RAMP1: variants seen among roughly 807,000 people sequenced by gnomAD.
RAMP1 encodes receptor activity modifying protein 1, also known as receptor activity-modifying protein 1.
A neutral mutation model predicts 8.2 loss-of-function variants in RAMP1; 7 were observed. That is an observed-to-expected ratio of 0.85 (90% CI 0.49 to 1.60). The LOEUF (loss-of-function observed/expected upper bound fraction) is 1.60, where lower values mean the gene tolerates loss of function less well. Ranked by LOEUF, RAMP1 falls within the 40% of genes most tolerant of loss-of-function variation. The probability of loss-of-function intolerance (pLI) is 0.00; values close to 1 mark genes in which losing one functional copy is unlikely to be tolerated. For synonymous variants in RAMP1, 92 were observed against 84.7 expected (o/e 1.09, Z -0.47); for missense variants, 192 against 202.4 (o/e 0.95, Z 0.31).
At chr2:237,904,357 T>C (rs1473347940) in intron 2 of RAMP1, among the ~76,000 whole-genome samples, 1 of 152,052 alleles carries the variant, frequency 6.6e-6, no homozygotes, top group Non-Finnish European at 1.5e-5. Flanking sequence ...AAGTGGGGCT[T>C]GCAGTGAGCT....
chr2:237,875,588 T>A (rs929578796), intron 1 of RAMP1, among the ~76,000 whole-genome samples: 10 of 152,112 alleles, frequency 6.6e-5, no homozygotes, highest in African/African-American at 2.2e-4. Flanking sequence ...CTCCCAGCCT[T>A]CCATGCAGGC....
chr2:237,876,450 CT>C (rs1335062700), intron 1 of RAMP1, among the ~76,000 whole-genome samples: 5 of 152,148 alleles, frequency 3.3e-5, no homozygotes, highest in African/African-American at 1.2e-4. Context: ...GGGGTCCCCC[CT>C]GGGCAGAGGA....
chr2:237,889,855 G>A (rs2062471438), intron 2 of RAMP1, among the ~76,000 whole-genome samples: 1 of 152,154 alleles, frequency 6.6e-6, no homozygotes, highest in South Asian at 2.1e-4. Flanking sequence ...TTGAATTCTG[G>A]GCTAACGCAA....
chr2:237,883,701 A>C (rs912629590), intron 2 of RAMP1, among the ~76,000 whole-genome samples: 1 of 151,772 alleles, frequency 6.6e-6, no homozygotes, highest in African/African-American at 2.4e-5. Context: ...CTGTAGACCC[A>C]GGTGCTTGGG....
rs1187158795 is a variant in RAMP1 at position 237,865,104 on chromosome 2, G to A, written c.52+5377G>A. ...GGCCCCCAGCATGGGCAGGAGGCCA[G>A]GCAAGGATAGGAGTGGGAGGGTTCC... On this transcript the variant is annotated intron_variant, in intron 1 of 2. Coordinates refer to ENST00000254661, the MANE Select transcript of RAMP1 (RefSeq NM_005855.4). This position sits in a 1 kb window ranked among gnomAD's most constrained non-coding sequence, Gnocchi z 4.2. 1.3e-5 allele frequency among the ~76,000 whole-genome samples: 2 copies of A among 152,094 alleles called. No homozygotes were observed. Among genetic ancestry groups the A allele is most frequent in the Non-Finnish European group, 2.9e-5 (2 of 68,002 alleles).
chr2:237,889,230 T>A (rs1263575358), intron 2 of RAMP1, among the ~76,000 whole-genome samples: 1 of 152,264 alleles, frequency 6.6e-6, no homozygotes, highest in East Asian at 1.9e-4. Context: ...AGTGACCGTG[T>A]GACCTCCGCA....
chr2:237,861,260 A>C (rs2062130540), intron 1 of RAMP1, among the ~76,000 whole-genome samples: 1 of 152,090 alleles, frequency 6.6e-6, no homozygotes. Context: ...AAGTCCTGTA[A>C]TTTTAACGTT....
At position 237,865,316 on chromosome 2, in the gene RAMP1, G is replaced by A. The variant is rs1477436204; in HGVS notation, c.52+5589G>A. The stretch of plus-strand genomic sequence containing the variant: ...GGGAGAGGAGAGGAGGGGAGGGCAG[G>A]GGAGAAGAGAGGAGGGGAGGGGAGG... On this transcript the variant is annotated intron_variant, in intron 1 of 2. Coordinates refer to ENST00000254661, the MANE Select transcript of RAMP1 (RefSeq NM_005855.4). The surrounding 1 kb of genome is among the most constrained non-coding windows in gnomAD (Gnocchi z 4.2). Among the ~76,000 whole-genome samples, 7 of 128,910 alleles carry A rather than the reference G, an allele frequency of 5.4e-5. No homozygotes were observed. Among genetic ancestry groups the A allele is most frequent in the African/African-American group, 1.8e-4 (6 of 33,918 alleles). The allele number at this position is 128,910 out of a possible 152,430, so 84.6% of individuals were successfully genotyped here.
chr2:237,859,796 AG>A, intron 1 of RAMP1, 69 bp downstream of exon 1: 1 of 664,914 alleles, frequency 1.5e-6, no homozygotes, highest in Non-Finnish European at 2.3e-6. Flanking sequence ...AGGGGAGAGG[AG>A]GGGAGCGGGT....
intron 2 of RAMP1, among the ~76,000 whole-genome samples, chr2:237,910,649 ACACACACAGT>A (rs1387640109): frequency 1.3e-5 from 2 of 148,580 alleles, no homozygotes; most frequent in Non-Finnish European, 3.0e-5. Flanking sequence ...ACACAGCTAT[ACACACACAGT>A]CACACACAGG....
At position 237,877,348 on chromosome 2, in the gene RAMP1, G is replaced by A; in HGVS notation, c.177G>A (p.Trp59Ter). 12 of 1,613,178 alleles carry A rather than the reference G, an allele frequency of 7.4e-6. No homozygotes were observed. The highest frequency in any genetic ancestry group is 1.0e-5 in the Non-Finnish European group (12 of 1,179,598). The change falls in exon 2 of 3, where the codon TGG (tryptophan) becomes TGA (stop). Residue 59 changes from tryptophan to a stop codon, truncating the protein, a stop_gained. Transcript: ENST00000254661. LOFTEE classifies it low-confidence loss of function (END_TRUNC). The surrounding 1 kb of genome is among the most constrained non-coding windows in gnomAD (Gnocchi z 4.4). ...TCGGGGAGACGCTGTGGTGTGACTG[G>A]GGCAGGACCATCAGGTGAGTCCCAT... ...EAVGETLWCD[W>*]GRTIRSYREL... is the part of the protein sequence containing the mutation.
intron 2 of RAMP1, among the ~76,000 whole-genome samples, chr2:237,881,145 T>C (rs1274765849): frequency 2.0e-5 from 3 of 152,240 alleles, no homozygotes; most frequent in East Asian, 1.9e-4. Flanking sequence ...TTCTTTCTTA[T>C]ATAAAGGGTT....
At position 237,884,467 on chromosome 2, in the gene RAMP1, G is replaced by T. The variant is rs369367943; in HGVS notation, c.191+7105G>T. On this transcript the variant is annotated intron_variant, in intron 2 of 2. Coordinates refer to ENST00000254661, the MANE Select transcript of RAMP1 (RefSeq NM_005855.4). ...AACAGAGAAGAGAAGAATCTGGAAC[G>T]TGCTGGACTCGGCTATAAAACATGG... Among the ~76,000 whole-genome samples the T allele has an allele frequency of 2.5e-4, 38 of 152,226 alleles. No individual in the cohort carries two copies. The South Asian group carries it at 6.6e-3, about 27-fold the overall frequency.
chr2:237,886,002 AGAG>A (rs559373097), intron 2 of RAMP1, among the ~76,000 whole-genome samples: 1 of 152,276 alleles, frequency 6.6e-6, no homozygotes, highest in East Asian at 1.9e-4. Flanking sequence ...AGAAGGGGGC[AGAG>A]GAGGAGAGAA....
At chr2:237,871,474 C>T (rs555021684) in intron 1 of RAMP1, among the ~76,000 whole-genome samples, 1 of 152,302 alleles carries the variant, frequency 6.6e-6, no homozygotes, top group East Asian at 1.9e-4. Flanking sequence ...GGGACAGAGG[C>T]CTCGCAACCC....
chr2:237,896,775 A>G (rs1243555484), intron 2 of RAMP1, among the ~76,000 whole-genome samples: 1 of 152,190 alleles, frequency 6.6e-6, no homozygotes, highest in Non-Finnish European at 1.5e-5. Context: ...CCTCCCAAGT[A>G]GCCAGGACTA....
intron 1 of RAMP1, among the ~76,000 whole-genome samples, chr2:237,866,627 A>G (rs1309691845): frequency 1.3e-5 from 2 of 152,110 alleles, no homozygotes; most frequent in Non-Finnish European, 2.9e-5. Flanking sequence ...TGACTCCCCC[A>G]AAGCTTAACG....
At chr2:237,863,893 G>C (rs3769045) in intron 1 of RAMP1, among the ~76,000 whole-genome samples, 35,488 of 151,802 alleles carry the variant, frequency 0.23, 4,843 homozygotes, top group African/African-American at 0.38. Flanking sequence ...GCTGTCCACT[G>C]TGCCCTCCGC....
intron 2 of RAMP1, among the ~76,000 whole-genome samples, chr2:237,894,119 G>A (rs2151017320): frequency 6.6e-6 from 1 of 151,758 alleles, no homozygotes; most frequent in East Asian, 2.0e-4. Context: ...ACAGGTGCAT[G>A]CCATGATGCC....
Sources: allele counts gnomAD v4.1 joint callset (sites outside exome capture counted in the v4.1 genomes callset), GRCh38; gene constraint gnomAD v4.1.1; non-coding constraint Gnocchi (gnomAD v3.1); transcripts MANE v1.5; gene names NCBI Gene and HGNC (gene_info 2026-07-23, HGNC 2026-07-21).